Variants in CNBD1 observed in about 807,000 individuals in gnomAD.
CNBD1 encodes cyclic nucleotide binding domain containing 1.
A neutral mutation model predicts 54.4 loss-of-function variants in CNBD1; 71 were observed. That is an observed-to-expected ratio of 1.30 (90% CI 1.08 to 1.59). The LOEUF is 1.59. Ranked by LOEUF, CNBD1 falls within the 40% of genes most tolerant of loss-of-function variation. The probability of loss-of-function intolerance (pLI) is 0.00; values close to 1 mark genes in which losing one functional copy is unlikely to be tolerated. For synonymous variants in CNBD1, 182 were observed against 170.7 expected, an observed-to-expected ratio of 1.07 and a Z score of -0.51; for missense variants, 659 against 518.0, an observed-to-expected ratio of 1.27 and a Z score of -2.64.
chr8:86,890,721 G>A (rs1808755961), intron 2 of CNBD1, among the ~76,000 whole-genome samples: 1 of 152,030 alleles, frequency 6.6e-6, no homozygotes, highest in African/African-American at 2.4e-5. Flanking sequence ...ACCTGTATGA[G>A]GGTTCCTTTC....
At chr8:87,209,091 G>A (rs1393553988) in intron 5 of CNBD1, among the ~76,000 whole-genome samples, 1 of 151,878 alleles carries the variant, frequency 6.6e-6, no homozygotes, top group Non-Finnish European at 1.5e-5. Context: ...AAAATCTTTA[G>A]CTGAGATTTA....
At chr8:87,139,637 CTT>C (rs1443476897) in intron 4 of CNBD1, among the ~76,000 whole-genome samples, 1 of 152,094 alleles carries the variant, frequency 6.6e-6, no homozygotes, top group Non-Finnish European at 1.5e-5. Context: ...AGTTGGAGGG[CTT>C]GGCTTGAAGG....
At chr8:87,194,591 T>G (rs1813676438) in intron 4 of CNBD1, among the ~76,000 whole-genome samples, 1 of 152,234 alleles carries the variant, frequency 6.6e-6, no homozygotes, top group Non-Finnish European at 1.5e-5. Context: ...TTGGAAAATA[T>G]AAGGCTTTAA....
At chr8:87,080,425 C>T (rs566232116) in intron 4 of CNBD1, among the ~76,000 whole-genome samples, 291 of 151,962 alleles carry the variant, frequency 1.9e-3, no homozygotes, top group South Asian at 3.3e-3. Flanking sequence ...CTACTAATAA[C>T]GCAAAAATTA....
intron 5 of CNBD1, among the ~76,000 whole-genome samples, chr8:87,228,875 A>G (rs559504231): frequency 6.6e-5 from 10 of 152,206 alleles, no homozygotes; most frequent in East Asian, 1.9e-4. Context: ...TCAGACTGCT[A>G]TGCTAGCAAT....
intron 2 of CNBD1, among the ~76,000 whole-genome samples, chr8:87,414,431 G>C (rs1807803810): frequency 6.6e-6 from 1 of 152,076 alleles, no homozygotes; most frequent in Admixed American, 6.6e-5. Flanking sequence ...TAAATGACAA[G>C]TTAATGGGTG....
chr8:87,207,155 A>T (rs762453490), intron 5 of CNBD1, among the ~76,000 whole-genome samples: 3 of 152,144 alleles, frequency 2.0e-5, no homozygotes, highest in African/African-American at 4.8e-5. Flanking sequence ...GGAATAAAGG[A>T]CAAACATTCA....
At chr8:87,318,177 A>C (rs1377106633) in intron 8 of CNBD1, among the ~76,000 whole-genome samples, 1 of 127,782 alleles carries the variant, frequency 7.8e-6, no homozygotes, top group South Asian at 2.3e-4. Flanking sequence ...TATCTCTCTT[A>C]TTTCTGGTTT....
intron 4 of CNBD1, among the ~76,000 whole-genome samples, chr8:87,197,507 T>G (rs1001073341): frequency 6.6e-6 from 1 of 152,014 alleles, no homozygotes; most frequent in African/African-American, 2.4e-5. Flanking sequence ...GCCAAATAAG[T>G]TAATACAAAC....
At chr8:87,185,513 T>TCAGGCA (rs1813455039) in intron 4 of CNBD1, among the ~76,000 whole-genome samples, 2 of 152,190 alleles carry the variant, frequency 1.3e-5, no homozygotes, top group Non-Finnish European at 2.9e-5. Flanking sequence ...TTAGATATTG[T>TCAGGCA]TAGGCAGGAT....
chr8:87,379,626 A>G (rs1295495139), intron 10 of CNBD1, among the ~76,000 whole-genome samples: 1 of 152,046 alleles, frequency 6.6e-6, no homozygotes, highest in Non-Finnish European at 1.5e-5. Flanking sequence ...AAGGGAAAAC[A>G]TTAGCAAATA....
At chr8:86,986,242 G>T (rs1808604526) in intron 4 of CNBD1, among the ~76,000 whole-genome samples, 2 of 152,082 alleles carry the variant, frequency 1.3e-5, no homozygotes, top group Admixed American at 1.3e-4. Flanking sequence ...CTGTGGTTTT[G>T]ATTTGTATTT....
chr8:86,879,551 G>A (rs748998428), intron 1 of CNBD1, among the ~76,000 whole-genome samples: 11 of 152,166 alleles, frequency 7.2e-5, no homozygotes, highest in Non-Finnish European at 1.5e-4. Flanking sequence ...TGTTCATGGA[G>A]CACCCAGAAC....
At chr8:86,967,541 T>C (rs1339678996) in intron 4 of CNBD1, among the ~76,000 whole-genome samples, 18 of 152,204 alleles carry the variant, frequency 1.2e-4, no homozygotes, top group Admixed American at 1.1e-3. Context: ...GCCATCAATG[T>C]CTTCTATCTC....
chr8:87,155,801 A>T (rs1029518246), intron 4 of CNBD1, among the ~76,000 whole-genome samples: 19 of 152,188 alleles, frequency 1.2e-4, no homozygotes, highest in Non-Finnish European at 2.6e-4. Context: ...TCATGACATC[A>T]ATCAGGTTCT....
chr8:87,349,165 G>GT (rs1810232235), intron 8 of CNBD1, among the ~76,000 whole-genome samples: 2 of 151,894 alleles, frequency 1.3e-5, no homozygotes, highest in South Asian at 4.1e-4. Context: ...GCAGATCATC[G>GT]TATGTTATTT....
At chr8:87,127,608 A>G (rs1048560665) in intron 4 of CNBD1, among the ~76,000 whole-genome samples, 3 of 152,122 alleles carry the variant, frequency 2.0e-5, no homozygotes, top group Non-Finnish European at 4.4e-5. Flanking sequence ...AATAAAGACA[A>G]TTTTATTTCT....
chr8:86,904,644 A>C (rs1808988954), intron 2 of CNBD1, among the ~76,000 whole-genome samples: 1 of 152,100 alleles, frequency 6.6e-6, no homozygotes, highest in African/African-American at 2.4e-5. Flanking sequence ...TTGTTCTTGT[A>C]ACATATCTTT....
intron 5 of CNBD1, among the ~76,000 whole-genome samples, chr8:87,230,353 A>C (rs2130819859): frequency 6.6e-6 from 1 of 152,308 alleles, no homozygotes; most frequent in South Asian, 2.1e-4. Flanking sequence ...TTTAATTCCC[A>C]TTGAGGTTGT....
Sources: allele counts gnomAD v4.1 joint callset (sites outside exome capture counted in the v4.1 genomes callset), GRCh38; gene constraint gnomAD v4.1.1; transcripts MANE v1.5; gene names NCBI Gene and HGNC (gene_info 2026-07-23, HGNC 2026-07-21).